Variants in FGF14 observed in about 807,000 individuals in gnomAD.
FGF14 encodes fibroblast growth factor 14, also known as fibroblast growth factor homologous factor 4.
Under a neutral mutation model 25.5 loss-of-function variants are expected in FGF14, and 5 were observed. The ratio of observed to expected loss-of-function variants is 0.20; its 90% CI spans 0.10 to 0.41. FGF14 has a LOEUF of 0.41. Among genes scored for constraint, FGF14 ranks in the 10% least tolerant of loss-of-function variants. The pLI is 1.00. For missense variants in FGF14, 222 were observed against 320.1 expected (o/e 0.69, Z 2.34); for synonymous variants, 138 against 118.3 (o/e 1.17, Z -1.08).
intron 1 of FGF14, among the ~76,000 whole-genome samples, chr13:102,256,152 T>C (rs574601982): frequency 1.3e-5 from 2 of 151,946 alleles, no homozygotes; most frequent in Non-Finnish European, 2.9e-5. Context: ...TATGAGTTGA[T>C]GGAAGAGAGG....
intron 3 of FGF14, among the ~76,000 whole-genome samples, chr13:101,809,963 C>A (rs1375761491): frequency 6.6e-6 from 1 of 152,094 alleles, no homozygotes; most frequent in African/African-American, 2.4e-5. Context: ...AAGATTTTGA[C>A]CTAACTACTT....
At chr13:101,956,772 A>G (rs991396326) in intron 1 of FGF14, among the ~76,000 whole-genome samples, 8 of 150,602 alleles carry the variant, frequency 5.3e-5, no homozygotes, top group African/African-American at 1.9e-4. Flanking sequence ...CTTTACCAAA[A>G]AAAAAAAAAA....
intron 1 of FGF14, among the ~76,000 whole-genome samples, chr13:102,013,759 G>C (rs1285140034): frequency 6.6e-6 from 1 of 152,088 alleles, no homozygotes; most frequent in Non-Finnish European, 1.5e-5. Context: ...TACTAGGCTT[G>C]ATCATATATG....
At chr13:102,121,278 G>A (rs2045713022) in intron 1 of FGF14, among the ~76,000 whole-genome samples, 1 of 152,032 alleles carries the variant, frequency 6.6e-6, no homozygotes, top group African/African-American at 2.4e-5. Flanking sequence ...GCCTACAGGT[G>A]GAAAATCTTA....
intron 3 of FGF14, among the ~76,000 whole-genome samples, chr13:101,792,405 A>G (rs954861819): frequency 3.3e-5 from 5 of 152,134 alleles, no homozygotes; most frequent in African/African-American, 1.2e-4. Flanking sequence ...CACAGGATAC[A>G]TGTCACAACT....
intron 3 of FGF14, among the ~76,000 whole-genome samples, chr13:101,854,928 T>C (rs970902339): frequency 2.0e-5 from 3 of 151,990 alleles, no homozygotes; most frequent in African/African-American, 7.2e-5. Context: ...CCCTTAACTA[T>C]AACAAAGAGA....
Position 101,889,687 on chromosome 13 carries a change from G to A in FGF14, c.194-14391C>T, listed in dbSNP as rs532677662. Among the ~76,000 whole-genome samples, 9 of 152,246 alleles carry A rather than the reference G, an allele frequency of 5.9e-5. No individual in the cohort carries two copies. In the South Asian group the frequency reaches 1.9e-3, roughly 32 times the overall value. On this transcript the variant is annotated intron_variant, in intron 1 of 4. Coordinates refer to ENST00000376143, the MANE Select transcript of FGF14 (RefSeq NM_004115.4). ...ACTTCACGATGTACTTTTTAACCCA[G>A]AAACTTCTAACATACATTATTTCCA...
intron 1 of FGF14, among the ~76,000 whole-genome samples, chr13:102,110,522 T>C (rs2045168742): frequency 6.6e-6 from 1 of 152,224 alleles, no homozygotes; most frequent in Non-Finnish European, 1.5e-5. Flanking sequence ...AGGATTTGTC[T>C]GTGGCTGCTT....
chr13:101,828,213 A>G (rs1364784999), intron 3 of FGF14, among the ~76,000 whole-genome samples: 2 of 152,058 alleles, frequency 1.3e-5, no homozygotes, highest in African/African-American at 2.4e-5. Flanking sequence ...TAGTTGAACT[A>G]CCTATTACAA....
chr13:101,811,731 C>T (rs886489614), intron 3 of FGF14, among the ~76,000 whole-genome samples: 1 of 152,144 alleles, frequency 6.6e-6, no homozygotes, highest in African/African-American at 2.4e-5. Context: ...ACATCCCAAC[C>T]AGCAATGACT....
intron 1 of FGF14, among the ~76,000 whole-genome samples, chr13:102,035,538 T>A (rs2041429982): frequency 1.3e-5 from 2 of 152,120 alleles, no homozygotes; most frequent in South Asian, 2.1e-4. Context: ...CTCAGGACAG[T>A]TGATCAATCA....
chr13:102,028,630 T>C (rs548791824), intron 1 of FGF14, among the ~76,000 whole-genome samples: 6 of 152,204 alleles, frequency 3.9e-5, no homozygotes, highest in South Asian at 4.1e-4. Flanking sequence ...CTTAAGTAAA[T>C]ACTCCATGTA....
At chr13:101,813,098 T>C (rs191074211) in intron 3 of FGF14, among the ~76,000 whole-genome samples, 6 of 152,290 alleles carry the variant, frequency 3.9e-5, no homozygotes, top group Admixed American at 2.0e-4. Flanking sequence ...GGCAAAACCA[T>C]TCCTTGTGTA....
At chr13:102,080,190 T>A (rs2043552940) in intron 1 of FGF14, among the ~76,000 whole-genome samples, 1 of 152,068 alleles carries the variant, frequency 6.6e-6, no homozygotes, top group Non-Finnish European at 1.5e-5. Flanking sequence ...GAAAAGATTG[T>A]AGGAGGGTAA....
At chr13:102,324,991 T>C (rs1190507142) in intron 1 of FGF14, among the ~76,000 whole-genome samples, 1 of 152,140 alleles carries the variant, frequency 6.6e-6, no homozygotes, top group African/African-American at 2.4e-5. Flanking sequence ...CTCAATTCAA[T>C]ATCATAAGCA....
intron 1 of FGF14, among the ~76,000 whole-genome samples, chr13:102,254,378 T>C (rs145484635): frequency 6.6e-6 from 1 of 152,186 alleles, no homozygotes; most frequent in East Asian, 1.9e-4. Flanking sequence ...TAGTTGAAAA[T>C]ACGTTACAGG....
chr13:102,134,214 T>A (rs1463671537), intron 1 of FGF14, among the ~76,000 whole-genome samples: 2 of 152,106 alleles, frequency 1.3e-5, no homozygotes, highest in Non-Finnish European at 2.9e-5. Flanking sequence ...AAAAAGCCTG[T>A]GAGAGAGAAG....
At chr13:101,932,544 A>AAAAAAG (rs2034827080) in intron 1 of FGF14, among the ~76,000 whole-genome samples, 1 of 151,358 alleles carries the variant, frequency 6.6e-6, no homozygotes, top group Non-Finnish European at 1.5e-5. Context: ...AAAAAAAAAA[A>AAAAAAG]AAAAGGAAAA....
intron 1 of FGF14, among the ~76,000 whole-genome samples, chr13:102,227,169 T>G (rs1276732569): frequency 6.6e-6 from 1 of 152,168 alleles, no homozygotes; most frequent in Non-Finnish European, 1.5e-5. Flanking sequence ...GCCCTATCTC[T>G]TTCTGCCTCC....
Sources: allele counts gnomAD v4.1 joint callset (sites outside exome capture counted in the v4.1 genomes callset), GRCh38; gene constraint gnomAD v4.1.1; transcripts MANE v1.5; gene names NCBI Gene and HGNC (gene_info 2026-07-23, HGNC 2026-07-21).